CCDC91: variants seen among roughly 807,000 people sequenced by gnomAD.
CCDC91 encodes the protein coiled-coil domain containing 91, also known as coiled-coil domain-containing protein 91.
In CCDC91, 48 loss-of-function variants were observed where a neutral mutation model predicts 63.2. The observed-to-expected ratio is 0.76, with a 90% CI of 0.60 to 0.97. The LOEUF is 0.97. Ranked by LOEUF, CCDC91 falls within the 50% of genes least tolerant of loss-of-function variation. The probability of loss-of-function intolerance (pLI) is 0.00; values close to 1 mark genes in which losing one functional copy is unlikely to be tolerated. For synonymous variants in CCDC91, 167 were observed against 165.8 expected, an observed-to-expected ratio of 1.01 and a Z score of -0.06; for missense variants, 500 against 494.6, an observed-to-expected ratio of 1.01 and a Z score of -0.10.
chr12:28,450,095 C>A, intron 8 of CCDC91, 66 bp from the exon 9 acceptor site: 2 of 822,086 alleles, frequency 2.4e-6, no homozygotes, highest in Non-Finnish European at 1.9e-6. Flanking sequence ...ATTCTACCAG[C>A]TACTCTCCTT....
At chr12:28,240,687 A>G (rs1323912447) in intron 1 of CCDC91, among the ~76,000 whole-genome samples, 1 of 151,454 alleles carries the variant, frequency 6.6e-6, no homozygotes, top group African/African-American at 2.4e-5. Context: ...TCCAACTTGC[A>G]TGTATCGGTA....
chr12:28,432,367 A>T lies in CCDC91; in HGVS notation c.763-17794A>T, dbSNP rs537667801. Among the ~76,000 whole-genome samples the T allele has an allele frequency of 8.5e-5, 13 of 152,132 alleles. No homozygotes were observed. In the South Asian group the frequency reaches 2.5e-3, roughly 29 times the overall value. The stretch of plus-strand genomic sequence containing the variant: ...GTCTAGGGAGGGAAGTGTTTGGTTT[A>T]TGAGGGCAGTTTCCCCATGCTGTTC... On this transcript the variant is annotated intron_variant, in intron 8 of 12. Transcript: ENST00000536442.
rs1325637038 is a variant in CCDC91 at position 28,190,491 on chromosome 12, C to T, written c.-165C>T. On this transcript the variant is annotated 5_prime_UTR_variant, in exon 1 of 13. Coordinates refer to ENST00000536442, the MANE Select transcript of CCDC91 (RefSeq NM_018318.5). The stretch of plus-strand genomic sequence containing the variant: ...GAAGCCGGGTGGTGCGTGGGCTACC[C>T]CAACCTGTGTGGCTGGGCCGCGGTC... 1 of 153,096 alleles carries T rather than the reference C, an allele frequency of 6.5e-6. No individual in the cohort carries two copies. The highest frequency in any genetic ancestry group is 1.5e-5 in the Non-Finnish European group (1 of 68,682). 9.5% of individuals were successfully genotyped at this position (153,096 alleles called of 1,614,324 possible).
intron 12 of CCDC91, among the ~76,000 whole-genome samples, chr12:28,548,181 A>G (rs1012030914): frequency 1.3e-5 from 2 of 152,118 alleles, no homozygotes; most frequent in Non-Finnish European, 2.9e-5. Context: ...TGAGTTTGCT[A>G]TTGAAATATT....
intron 8 of CCDC91, among the ~76,000 whole-genome samples, chr12:28,401,371 C>T (rs1467397487): frequency 1.3e-5 from 2 of 152,096 alleles, no homozygotes; most frequent in Middle Eastern, 6.3e-3. Flanking sequence ...CTCCCTATCA[C>T]AAGAACAGTA....
intron 12 of CCDC91, among the ~76,000 whole-genome samples, chr12:28,488,286 C>T (rs188093816): frequency 6.6e-6 from 1 of 151,738 alleles, no homozygotes; most frequent in Admixed American, 6.6e-5. Flanking sequence ...GCTACCTGTA[C>T]ATGTACTAAT....
At chr12:28,209,845 A>G (rs1943109218) in intron 1 of CCDC91, among the ~76,000 whole-genome samples, 1 of 152,186 alleles carries the variant, frequency 6.6e-6, no homozygotes, top group Non-Finnish European at 1.5e-5. Flanking sequence ...CTTTCTTATA[A>G]TCTTTTACCA....
intron 3 of CCDC91, among the ~76,000 whole-genome samples, chr12:28,292,320 A>T (rs1320045496): frequency 6.6e-6 from 1 of 152,240 alleles, no homozygotes; most frequent in Non-Finnish European, 1.5e-5. Flanking sequence ...ACCGTTTTCA[A>T]TTTATTTCAC....
intron 2 of CCDC91, among the ~76,000 whole-genome samples, chr12:28,258,461 T>C (rs1366661810): frequency 6.6e-6 from 1 of 152,034 alleles, no homozygotes; most frequent in Admixed American, 6.6e-5. Flanking sequence ...CACTTTGTTA[T>C]ATTCATCAAA....
intron 8 of CCDC91, among the ~76,000 whole-genome samples, chr12:28,430,704 T>C (rs1484335023): frequency 3.3e-5 from 5 of 152,186 alleles, no homozygotes; most frequent in African/African-American, 1.2e-4. Flanking sequence ...TGTTTCCATA[T>C]GTAGTTACTT....
chr12:28,481,323 G>A (rs1951435909), intron 11 of CCDC91, among the ~76,000 whole-genome samples: 1 of 151,886 alleles, frequency 6.6e-6, no homozygotes, highest in Non-Finnish European at 1.5e-5. Context: ...CACACAGGAT[G>A]CTCCCTTACA....
intron 6 of CCDC91, among the ~76,000 whole-genome samples, chr12:28,344,835 T>C (rs773133107): frequency 1.3e-5 from 2 of 152,138 alleles, no homozygotes; most frequent in Non-Finnish European, 2.9e-5. Context: ...TGGTTGTTTA[T>C]ATCCATTGCT....
At chr12:28,394,614 T>G (rs969444350) in intron 8 of CCDC91, among the ~76,000 whole-genome samples, 4 of 152,090 alleles carry the variant, frequency 2.6e-5, no homozygotes, top group East Asian at 1.9e-4. Context: ...ATTAGTACCT[T>G]CAGTTTAACA....
intron 11 of CCDC91, among the ~76,000 whole-genome samples, chr12:28,466,301 G>A (rs1950546775): frequency 6.6e-6 from 1 of 152,088 alleles, no homozygotes; most frequent in Non-Finnish European, 1.5e-5. Flanking sequence ...TTTATTCAAA[G>A]GTATAATAAC....
intron 3 of CCDC91, among the ~76,000 whole-genome samples, chr12:28,289,011 G>T (rs1359969561): frequency 6.6e-6 from 1 of 152,144 alleles, no homozygotes; most frequent in African/African-American, 2.4e-5. Flanking sequence ...TTGTATTCCT[G>T]TGTGGTCAGT....
intron 1 of CCDC91, among the ~76,000 whole-genome samples, chr12:28,200,790 T>C (rs4026417): frequency 6.6e-6 from 1 of 151,512 alleles, no homozygotes; most frequent in Admixed American, 6.6e-5. Flanking sequence ...AGCTGTTGGG[T>C]ACACCTCCCA....
intron 3 of CCDC91, among the ~76,000 whole-genome samples, chr12:28,303,965 G>T (rs956268474): frequency 4.0e-5 from 6 of 151,880 alleles, no homozygotes; most frequent in African/African-American, 1.5e-4. Flanking sequence ...ACATTTTGAA[G>T]AACTCTCACT....
intron 1 of CCDC91, among the ~76,000 whole-genome samples, chr12:28,228,015 C>G (rs1164476219): frequency 1.3e-5 from 2 of 151,986 alleles, no homozygotes; most frequent in African/African-American, 2.4e-5. Context: ...CTCTAAAAGA[C>G]AGTTATTTTT....
At chr12:28,500,688 G>C (rs188488622) in intron 12 of CCDC91, among the ~76,000 whole-genome samples, 221 of 151,730 alleles carry the variant, frequency 1.5e-3, no homozygotes, top group Non-Finnish European at 2.6e-3. Context: ...GGTCAGTTTA[G>C]CTATTTCAAG....
Sources: gnomAD v4.1 joint callset for allele counts (sites outside exome capture counted in the v4.1 genomes callset) on GRCh38, gnomAD v4.1.1 for gene constraint, MANE v1.5 for transcripts, NCBI Gene and HGNC (gene_info 2026-07-23, HGNC 2026-07-21) for gene names.